Variants in ST6GALNAC3 observed in about 807,000 individuals in gnomAD.
ST6GALNAC3 encodes the protein alpha-N-acetylgalactosaminide alpha-2,6-sialyltransferase 3.
Under a neutral mutation model 32.7 loss-of-function variants are expected in ST6GALNAC3, and 25 were observed. The observed-to-expected ratio is 0.76, with a 90% CI of 0.56 to 1.07. The LOEUF (loss-of-function observed/expected upper bound fraction) is 1.07. ST6GALNAC3 is among the 50% of genes least tolerant of loss of function. ST6GALNAC3 has a pLI of 0.00. For synonymous variants in ST6GALNAC3, 129 were observed against 133.1 expected, an observed-to-expected ratio of 0.97 and a Z score of 0.21; for missense variants, 355 against 382.4, an observed-to-expected ratio of 0.93 and a Z score of 0.60.
chr1:76,089,225 TA>T (rs1417622959), intron 1 of ST6GALNAC3, among the ~76,000 whole-genome samples: 1 of 151,970 alleles, frequency 6.6e-6, no homozygotes, highest in African/African-American at 2.4e-5. Flanking sequence ...TTTATTTATT[TA>T]TTTTTTAGAA....
At chr1:76,557,131 C>A (rs1664974920) in intron 3 of ST6GALNAC3, among the ~76,000 whole-genome samples, 1 of 151,856 alleles carries the variant, frequency 6.6e-6, no homozygotes, top group Non-Finnish European at 1.5e-5. Context: ...AAAATTACCC[C>A]CTCCCCGACC....
chr1:76,081,181 G>A (rs1344930197), intron 1 of ST6GALNAC3, among the ~76,000 whole-genome samples: 2 of 151,186 alleles, frequency 1.3e-5, no homozygotes, highest in African/African-American at 4.9e-5. Flanking sequence ...TCGTGTGGTT[G>A]TAAAGCAGGG....
At chr1:76,147,102 T>G (rs1372103537) in intron 1 of ST6GALNAC3, among the ~76,000 whole-genome samples, 1 of 149,314 alleles carries the variant, frequency 6.7e-6, no homozygotes, top group Non-Finnish European at 1.5e-5. Context: ...TCACTCTGTC[T>G]CCCAGGCTGG....
At chr1:76,612,537 ACTCT>A (rs748613118) in intron 3 of ST6GALNAC3, among the ~76,000 whole-genome samples, 1 of 152,046 alleles carries the variant, frequency 6.6e-6, no homozygotes, top group Non-Finnish European at 1.5e-5. Flanking sequence ...GGAGCCATTC[ACTCT>A]CTAACATATT....
intron 3 of ST6GALNAC3, among the ~76,000 whole-genome samples, chr1:76,484,216 G>A (rs1487407327): frequency 6.6e-6 from 1 of 151,938 alleles, no homozygotes; most frequent in Non-Finnish European, 1.5e-5. Flanking sequence ...CTCTTTTTTG[G>A]TTCCATATGA....
intron 1 of ST6GALNAC3, among the ~76,000 whole-genome samples, chr1:76,271,404 T>C (rs900330052): frequency 6.6e-6 from 1 of 152,214 alleles, no homozygotes; most frequent in Non-Finnish European, 1.5e-5. Flanking sequence ...ATTTATTGAG[T>C]ACCCACTCTA....
intron 3 of ST6GALNAC3, among the ~76,000 whole-genome samples, chr1:76,572,584 C>T (rs548117023): frequency 1.3e-5 from 2 of 152,226 alleles, no homozygotes; most frequent in South Asian, 4.1e-4. Flanking sequence ...CAGATGCACA[C>T]AGTTAGCTAC....
At chr1:76,389,666 A>T (rs972642601) in intron 2 of ST6GALNAC3, among the ~76,000 whole-genome samples, 4 of 152,174 alleles carry the variant, frequency 2.6e-5, no homozygotes, top group Non-Finnish European at 5.9e-5. Context: ...ATTACGTTTG[A>T]CCTTTAAGAT....
chr1:76,310,312 A>G (rs574462803), intron 1 of ST6GALNAC3, among the ~76,000 whole-genome samples: 1 of 152,266 alleles, frequency 6.6e-6, no homozygotes, highest in African/African-American at 2.4e-5. Flanking sequence ...ACCTTGACAC[A>G]TTGCAATGTT....
chr1:76,281,581 C>T (rs572704558), intron 1 of ST6GALNAC3, among the ~76,000 whole-genome samples: 2 of 152,292 alleles, frequency 1.3e-5, no homozygotes, highest in Non-Finnish European at 2.9e-5. Flanking sequence ...GGAAGAGTGT[C>T]GGAAAATGAA....
At chr1:76,091,798 C>T (rs572940616) in intron 1 of ST6GALNAC3, among the ~76,000 whole-genome samples, 1 of 152,264 alleles carries the variant, frequency 6.6e-6, no homozygotes, top group East Asian at 1.9e-4. Flanking sequence ...ATGTAGTAGG[C>T]TACACCATCT....
chr1:76,214,516 C>T (rs1655348031), intron 1 of ST6GALNAC3, among the ~76,000 whole-genome samples: 1 of 152,086 alleles, frequency 6.6e-6, no homozygotes. Flanking sequence ...TTTCTGAGTA[C>T]ACATTAAGGG....
At position 76,628,902 on chromosome 1, in the gene ST6GALNAC3, G is replaced by T; in HGVS notation, c.*96G>T. On this transcript the variant is annotated 3_prime_UTR_variant, in exon 5 of 5. Transcript: ENST00000328299. ...TAATGGAGATGATGGTAATGATAAA[G>T]ACAACAACAATGATTATCAAGTTCC... The T allele has an allele frequency of 1.3e-6, 2 of 1,557,090 alleles. No individual in the cohort carries two copies. Among genetic ancestry groups the T allele is most frequent in the South Asian group, 1.2e-5 (1 of 83,038 alleles).
chr1:76,116,063 T>A (rs1648449507), intron 1 of ST6GALNAC3, among the ~76,000 whole-genome samples: 1 of 152,164 alleles, frequency 6.6e-6, no homozygotes, highest in South Asian at 2.1e-4. Context: ...AGCCCTTTCA[T>A]TGCAGAGTGG....
chr1:76,277,417 A>G (rs1659191921), intron 1 of ST6GALNAC3, among the ~76,000 whole-genome samples: 1 of 151,734 alleles, frequency 6.6e-6, no homozygotes, highest in South Asian at 2.1e-4. Context: ...ATTACAGATA[A>G]CTGGGAAAAG....
chr1:76,198,336 T>G (rs745729523), intron 1 of ST6GALNAC3, among the ~76,000 whole-genome samples: 1 of 152,186 alleles, frequency 6.6e-6, no homozygotes, highest in Non-Finnish European at 1.5e-5. Context: ...ATACCTGGCT[T>G]TGTCTTTATG....
At chr1:76,278,382 C>T (rs547307889) in intron 1 of ST6GALNAC3, among the ~76,000 whole-genome samples, 1 of 152,040 alleles carries the variant, frequency 6.6e-6, no homozygotes, top group South Asian at 2.1e-4. Context: ...CCACCATGCC[C>T]AGCTAATTTT....
chr1:76,547,249 A>G (rs892344586), intron 3 of ST6GALNAC3, among the ~76,000 whole-genome samples: 5 of 152,184 alleles, frequency 3.3e-5, no homozygotes, highest in African/African-American at 9.6e-5. Flanking sequence ...GACCAACCGA[A>G]AACACATTAA....
intron 1 of ST6GALNAC3, among the ~76,000 whole-genome samples, chr1:76,202,754 C>T (rs1351007801): frequency 6.6e-6 from 1 of 152,112 alleles, no homozygotes; most frequent in African/African-American, 2.4e-5. Context: ...AAAATGCAAG[C>T]AAGTCATCTG....
Sources: gnomAD v4.1 joint callset for allele counts (sites outside exome capture counted in the v4.1 genomes callset) on GRCh38, gnomAD v4.1.1 for gene constraint, MANE v1.5 for transcripts, NCBI Gene and HGNC (gene_info 2026-07-23, HGNC 2026-07-21) for gene names.